FSD1L: variants seen among roughly 807,000 people sequenced by gnomAD.
FSD1L encodes the protein FSD1-like protein.
A neutral mutation model predicts 71.6 loss-of-function variants in FSD1L; 45 were observed. The ratio of observed to expected loss-of-function variants is 0.63; its 90% confidence interval spans 0.49 to 0.81. The LOEUF is 0.81. Among genes scored for constraint, FSD1L ranks in the 30% least tolerant of loss-of-function variants. The probability of loss-of-function intolerance (pLI) is 0.00; values close to 1 mark genes in which losing one functional copy is unlikely to be tolerated. For missense variants in FSD1L, 561 were observed against 618.1 expected (o/e 0.91, Z 0.98); for synonymous variants, 197 against 207.2 (o/e 0.95, Z 0.42).
intron 1 of FSD1L, among the ~76,000 whole-genome samples, chr9:105,460,924 T>C (rs1243046850): frequency 1.3e-5 from 2 of 152,166 alleles, no homozygotes; most frequent in Non-Finnish European, 2.9e-5. Flanking sequence ...CTTTTGAGAG[T>C]TGGTAATTTT....
intron 2 of FSD1L, among the ~76,000 whole-genome samples, chr9:105,461,980 T>G (rs1215247368): frequency 6.6e-6 from 1 of 151,788 alleles, no homozygotes; most frequent in Non-Finnish European, 1.5e-5. Context: ...AGGCTTCTCA[T>G]TAAAATCTTG....
At chr9:105,488,401 C>T (rs1053714907) in intron 7 of FSD1L, among the ~76,000 whole-genome samples, 14 of 151,902 alleles carry the variant, frequency 9.2e-5, no homozygotes, top group Admixed American at 3.3e-4. Context: ...TGTCTAGATG[C>T]GCCATGGTTT....
rs1255534012 is a variant in FSD1L, at chr9:105,547,016, T to C, written c.*533T>C. 6.6e-6 allele frequency: 1 copy of C among 152,096 alleles called. No individual in the cohort carries two copies. Among genetic ancestry groups the C allele is most frequent in the Non-Finnish European group, 1.5e-5 (1 of 67,990 alleles). 9.4% of individuals were successfully genotyped at this position (152,096 alleles called of 1,614,324 possible). A position where few individuals can be genotyped will look rare whatever the true frequency, so the allele number is the denominator to read the frequency against. On this transcript the variant is annotated 3_prime_UTR_variant, in exon 14 of 14. Transcript: ENST00000481272. ...ATTTTTCCTCTTTTATAAATAAGTT[T>C]TACAAAATTTTCCTCTTTTGTTTAT...
intron 3 of FSD1L, among the ~76,000 whole-genome samples, chr9:105,465,131 G>A (rs529191058): frequency 1.3e-4 from 20 of 152,288 alleles, no homozygotes; most frequent in African/African-American, 4.8e-4. Context: ...ATTGTAAGTA[G>A]TGACATATTG....
intron 10 of FSD1L, chr9:105,522,982 A>G: frequency 1.2e-6 from 2 of 1,614,104 alleles, no homozygotes; most frequent in East Asian, 2.2e-5. Context: ...TCAGATAGTC[A>G]TTCGGATTCT....
chr9:105,504,261 T>C (rs766333636), intron 7 of FSD1L, among the ~76,000 whole-genome samples: 21 of 152,246 alleles, frequency 1.4e-4, no homozygotes, highest in Admixed American at 4.6e-4. Flanking sequence ...AAATATGTAT[T>C]ATAAGGACAG....
chr9:105,481,176 T>TGTGTGTGTGGGTGG (rs1454412244), intron 6 of FSD1L, among the ~76,000 whole-genome samples: 1 of 123,196 alleles, frequency 8.1e-6, no homozygotes. Flanking sequence ...TGTGTGTGTG[T>TGTGTGTGTGGGTGG]GTGGTTCTTT....
At chr9:105,485,612 G>C (rs1832495788) in intron 7 of FSD1L, among the ~76,000 whole-genome samples, 1 of 142,822 alleles carries the variant, frequency 7.0e-6, no homozygotes, top group Admixed American at 7.3e-5. Flanking sequence ...AGGGATCAAG[G>C]AATTTCTTGA....
In FSD1L at chr9:105,506,511, A is replaced by G. The variant is rs1834060279; in HGVS notation, c.699A>G (p.Glu233=). 1.9e-6 allele frequency: 3 copies of G among 1,551,314 alleles called. No individual in the cohort carries two copies. The highest frequency in any genetic ancestry group is 2.6e-6 in the Non-Finnish European group (3 of 1,146,728). Residue 233 remains glutamate (E), a synonymous_variant, in exon 8 of 14, where the codon GAA becomes GAG. Transcript: ENST00000481272. ...ATAAGATTGACCATTTTATACTGGAACATAGGAAGACTAATTTTGATGGAC... is the reference window on the plus strand; with the variant it reads ...ATAAGATTGACCATTTTATACTGGAGCATAGGAAGACTAATTTTGATGGAC... ...EDNKIDHFIL[E]HRKTNFDGLP...
At chr9:105,497,451 C>A (rs1833485033) in intron 7 of FSD1L, among the ~76,000 whole-genome samples, 1 of 152,132 alleles carries the variant, frequency 6.6e-6, no homozygotes, top group Admixed American at 6.5e-5. Flanking sequence ...TACTTTTGTC[C>A]TGAAAAGTAT....
chr9:105,521,743 G>C (rs1835174253), intron 10 of FSD1L: 1 of 1,613,174 alleles, frequency 6.2e-7, no homozygotes, highest in South Asian at 1.1e-5. Context: ...CGAAATTCCA[G>C]TTGGGCAAAA....
At chr9:105,481,459 G>T (rs1490304244) in intron 6 of FSD1L, among the ~76,000 whole-genome samples, 1 of 151,494 alleles carries the variant, frequency 6.6e-6, no homozygotes, top group Non-Finnish European at 1.5e-5. Context: ...TAATTTGTGT[G>T]TGTGTGTGTT....
At chr9:105,507,364 A>T (rs1834118090) in intron 8 of FSD1L, among the ~76,000 whole-genome samples, 1 of 152,360 alleles carries the variant, frequency 6.6e-6, no homozygotes, top group African/African-American at 2.4e-5. Flanking sequence ...CTTATTACGC[A>T]TGAGGAGTAA....
At chr9:105,541,827 A>G (rs755295955) in intron 13 of FSD1L, among the ~76,000 whole-genome samples, 11 of 152,174 alleles carry the variant, frequency 7.2e-5, no homozygotes, top group South Asian at 2.1e-4. Context: ...ATCAGTAACC[A>G]GTTCGTAGGC....
At chr9:105,468,062 A>T in intron 3 of FSD1L, 131 bp from the exon 4 acceptor site, 1 of 611,304 alleles carries the variant, frequency 1.6e-6, no homozygotes, top group Non-Finnish European at 2.5e-6. Context: ...CAAATATTAG[A>T]ATTATGTTAT....
intron 7 of FSD1L, among the ~76,000 whole-genome samples, chr9:105,499,909 G>A (rs1288971533): frequency 6.6e-6 from 1 of 152,116 alleles, no homozygotes; most frequent in East Asian, 1.9e-4. Flanking sequence ...TCATCTTGCA[G>A]GTTTCTATTG....
In FSD1L at chr9:105,508,653, T is replaced by C. The variant is rs1030780307; in HGVS notation, c.833T>C (p.Val278Ala). 6 of 1,551,634 alleles carry C rather than the reference T, an allele frequency of 3.9e-6. No individual in the cohort carries two copies. The Admixed American group carries it at 1.2e-4, about 30-fold the overall frequency. ...GATTCAAAGTATATGAATTTCAGAG[T>C]GCGAGCTTGTAACAAGGCTGTGGCT... ...KFDSKYMNFR[V>A]RACNKAVAGE... The change falls in exon 9 of 14, where the codon GTG (valine) becomes GCG (alanine). Residue 278 changes from valine to alanine, a missense_variant. Around this residue, in one of 3 missense-constraint regions of FSD1L, gnomAD observed 410 missense variants for 413.5 expected, o/e 0.99. Transcript: ENST00000481272.
intron 10 of FSD1L, among the ~76,000 whole-genome samples, chr9:105,531,270 A>G (rs1835878479): frequency 6.6e-6 from 1 of 152,212 alleles, no homozygotes; most frequent in Non-Finnish European, 1.5e-5. Flanking sequence ...TCTGATGTGC[A>G]GCTGGGTTGA....
chr9:105,541,024 A>C (rs1048075679), intron 13 of FSD1L, among the ~76,000 whole-genome samples: 1 of 152,118 alleles, frequency 6.6e-6, no homozygotes, highest in Non-Finnish European at 1.5e-5. Flanking sequence ...AATATTTTGC[A>C]TGTATATTCT....
Sources: allele counts gnomAD v4.1 joint callset (sites outside exome capture counted in the v4.1 genomes callset), GRCh38; gene constraint gnomAD v4.1.1; regional missense constraint gnomAD v4.1.1; transcripts MANE v1.5; gene names NCBI Gene and HGNC (gene_info 2026-07-23, HGNC 2026-07-21).